FHIT: variants seen among roughly 807,000 people sequenced by gnomAD.
FHIT encodes bis(5'-adenosyl)-triphosphatase.
A neutral mutation model predicts 17.9 loss-of-function variants in FHIT; 19 were observed. The ratio of observed to expected loss-of-function variants is 1.06; its 90% confidence interval spans 0.74 to 1.56. The LOEUF (loss-of-function observed/expected upper bound fraction) is 1.56, where lower values mean the gene tolerates loss of function less well. Ranked by LOEUF, FHIT falls within the 40% of genes most tolerant of loss-of-function variation. The pLI is 0.00. For synonymous variants in FHIT, 81 were observed against 69.7 expected (o/e 1.16, Z -0.81); for missense variants, 248 against 189.2 (o/e 1.31, Z -1.82).
intron 5 of FHIT, among the ~76,000 whole-genome samples, chr3:60,479,716 G>A (rs537844385): frequency 1.2e-4 from 19 of 152,262 alleles, no homozygotes; most frequent in African/African-American, 4.3e-4. Context: ...ATCAGAGTCG[G>A]TATTAGATTC....
chr3:61,109,689 T>A (rs2036096765), intron 2 of FHIT, among the ~76,000 whole-genome samples: 1 of 151,178 alleles, frequency 6.6e-6, no homozygotes, highest in Non-Finnish European at 1.5e-5. Flanking sequence ...TTCTACAATG[T>A]CATAAGCAAT....
intron 9 of FHIT, 71 bp downstream of exon 9, chr3:59,752,150 C>T: frequency 9.2e-7 from 1 of 1,086,784 alleles, no homozygotes; most frequent in Non-Finnish European, 1.4e-6. Context: ...TGTGCATCCC[C>T]ATTCTGAGAG....
intron 4 of FHIT, among the ~76,000 whole-genome samples, chr3:60,563,280 G>T (rs2037019002): frequency 6.6e-6 from 1 of 152,134 alleles, no homozygotes. Context: ...TAGAAATGTG[G>T]GGCAGCAGTT....
chr3:60,190,570 G>A (rs1702356086), intron 5 of FHIT, among the ~76,000 whole-genome samples: 1 of 151,980 alleles, frequency 6.6e-6, no homozygotes, highest in Admixed American at 6.6e-5. Flanking sequence ...CCAACATGGT[G>A]AAACCGTGTC....
chr3:60,214,976 T>C (rs970440259), intron 5 of FHIT, among the ~76,000 whole-genome samples: 2 of 151,828 alleles, frequency 1.3e-5, no homozygotes, highest in Non-Finnish European at 2.9e-5. Flanking sequence ...TGAATACATA[T>C]AGACACAAAG....
At chr3:60,432,770 A>G (rs1702969142) in intron 5 of FHIT, among the ~76,000 whole-genome samples, 1 of 152,086 alleles carries the variant, frequency 6.6e-6, no homozygotes, top group Admixed American at 6.6e-5. Flanking sequence ...CCAACCTACC[A>G]ATGTGCTTTT....
At chr3:60,913,002 T>C (rs945056514) in intron 3 of FHIT, among the ~76,000 whole-genome samples, 15 of 152,122 alleles carry the variant, frequency 9.9e-5, no homozygotes, top group African/African-American at 3.1e-4. Flanking sequence ...TAGAGGGAAA[T>C]AGATTTAGTA....
At chr3:60,844,911 T>G (rs1469082646) in intron 3 of FHIT, among the ~76,000 whole-genome samples, 1 of 152,152 alleles carries the variant, frequency 6.6e-6, no homozygotes, top group Non-Finnish European at 1.5e-5. Context: ...TCCCTGAGGG[T>G]GCATATTTAT....
chr3:60,129,602 C>A (rs886350033), intron 5 of FHIT, among the ~76,000 whole-genome samples: 1 of 152,124 alleles, frequency 6.6e-6, no homozygotes, highest in African/African-American at 2.4e-5. Flanking sequence ...ATATTATGTA[C>A]GTAAAGTCCT....
intron 8 of FHIT, among the ~76,000 whole-genome samples, chr3:59,823,630 T>A (rs1034888019): frequency 2.0e-5 from 3 of 152,036 alleles, no homozygotes; most frequent in African/African-American, 7.2e-5. Context: ...AGACAAAGCA[T>A]TTGACAAAAT....
chr3:60,856,938 C>T (rs187736486), intron 3 of FHIT, among the ~76,000 whole-genome samples: 1 of 152,280 alleles, frequency 6.6e-6, no homozygotes, highest in Admixed American at 6.5e-5. Context: ...AGATTATCCA[C>T]AACCATGCCC....
At chr3:60,696,774 T>A (rs1314487556) in intron 4 of FHIT, among the ~76,000 whole-genome samples, 1 of 152,198 alleles carries the variant, frequency 6.6e-6, no homozygotes, top group Non-Finnish European at 1.5e-5. Flanking sequence ...AAAGGCTCTT[T>A]ATCCATTTAC....
At chr3:60,697,991 C>T (rs1293556900) in intron 4 of FHIT, among the ~76,000 whole-genome samples, 3 of 152,288 alleles carry the variant, frequency 2.0e-5, no homozygotes, top group Admixed American at 6.5e-5. Flanking sequence ...GTATTGCTCC[C>T]TTATACACAC....
intron 5 of FHIT, among the ~76,000 whole-genome samples, chr3:60,506,652 T>C (rs573415922): frequency 2.6e-4 from 40 of 152,230 alleles, no homozygotes; most frequent in Admixed American, 1.4e-3. Context: ...AAAGGAAGCT[T>C]TAAACGTATG....
At position 60,252,717 on chromosome 3, in the gene FHIT, G is replaced by A. The variant is rs550173971; in HGVS notation, c.104-238565C>T. ...ATAATAAAAAAAGACTGGGCTGGGC[G>A]CGGTGGCTCATGCCTGTAATCCCAG... On this transcript the variant is annotated intron_variant, in intron 5 of 9. Transcript: ENST00000492590. Among the ~76,000 whole-genome samples, 42 of 152,150 alleles carry A rather than the reference G, an allele frequency of 2.8e-4. 1 individual carries two copies. Among genetic ancestry groups the A allele is most frequent in the South Asian group, 2.7e-3 (13 of 4,816 alleles).
intron 8 of FHIT, among the ~76,000 whole-genome samples, chr3:59,887,078 G>T (rs775998012): frequency 6.6e-6 from 1 of 152,024 alleles, no homozygotes; most frequent in Non-Finnish European, 1.5e-5. Context: ...AGGCTTGGAA[G>T]GGGGAAAGTA....
rs1475342123 is a variant in FHIT, at chr3:59,820,995, A to G, written c.349-68674T>C. Among the ~76,000 whole-genome samples, 4 of 152,198 alleles carry G rather than the reference A, an allele frequency of 2.6e-5. No homozygotes were observed. The East Asian group carries it at 7.7e-4, about 29-fold the overall frequency. On this transcript the variant is annotated intron_variant, in intron 8 of 9. Coordinates refer to ENST00000492590, the MANE Select transcript of FHIT (RefSeq NM_002012.4). ...GAAGATGTTTATGGGAAGGTGAGTA[A>G]GATTCGAATTAGGGACTTTCTGAAT...
intron 5 of FHIT, among the ~76,000 whole-genome samples, chr3:60,392,758 T>C (rs1215849944): frequency 6.6e-6 from 1 of 152,132 alleles, no homozygotes; most frequent in Non-Finnish European, 1.5e-5. Context: ...AGCATAATTA[T>C]AGCAGTGGCT....
chr3:61,065,028 G>A (rs574465325), intron 2 of FHIT, among the ~76,000 whole-genome samples: 5 of 152,206 alleles, frequency 3.3e-5, no homozygotes, highest in African/African-American at 1.2e-4. Context: ...AGAGCAGAGA[G>A]TGTCCTGGGG....
Sources: allele counts gnomAD v4.1 joint callset (sites outside exome capture counted in the v4.1 genomes callset), GRCh38; gene constraint gnomAD v4.1.1; transcripts MANE v1.5; gene names NCBI Gene and HGNC (gene_info 2026-07-23, HGNC 2026-07-21).